The following ZNF365 variants were observed in gnomAD, a reference collection of about 807,000 sequenced individuals.
The protein encoded by ZNF365 is zinc finger protein 365.
A neutral mutation model predicts 35.0 loss-of-function variants in ZNF365; 22 were observed. That is an observed-to-expected ratio of 0.63 (90% CI 0.45 to 0.90). ZNF365 has a LOEUF of 0.90. ZNF365 is among the 40% of genes least tolerant of loss of function. The pLI, the probability that ZNF365 is intolerant of heterozygous loss-of-function variation, is 0.00. For synonymous variants in ZNF365, 188 were observed against 196.2 expected (o/e 0.96, Z 0.35); for missense variants, 448 against 500.3 (o/e 0.90, Z 1.00).
intron 3 of ZNF365, among the ~76,000 whole-genome samples, chr10:62,434,386 C>CT (rs1840376884): frequency 6.6e-6 from 1 of 152,072 alleles, no homozygotes; most frequent in Admixed American, 6.6e-5. Context: ...TATCACAATG[C>CT]TTACAAACGT....
At chr10:62,392,884 G>A (rs533806859) in intron 3 of ZNF365, among the ~76,000 whole-genome samples, 4 of 152,234 alleles carry the variant, frequency 2.6e-5, no homozygotes, top group East Asian at 1.9e-4. Context: ...CGCCCGCCTC[G>A]GCCTCCCAAA....
intron 3 of ZNF365, among the ~76,000 whole-genome samples, chr10:62,446,015 TG>T (rs1471350053): frequency 6.6e-6 from 1 of 152,194 alleles, no homozygotes; most frequent in Non-Finnish European, 1.5e-5. Context: ...TGGTCTTTTT[TG>T]AGCAGTTCCC....
downstream of ZNF365, among the ~76,000 whole-genome samples, chr10:62,403,303 TGAG>T (rs1839858697): frequency 6.6e-6 from 1 of 152,074 alleles, no homozygotes; most frequent in Admixed American, 6.6e-5. Context: ...TTGGGTGGGC[TGAG>T]GAGGAAGAGG....
At chr10:62,410,082 G>A (rs1210804221) in intron 3 of ZNF365, among the ~76,000 whole-genome samples, 1 of 152,094 alleles carries the variant, frequency 6.6e-6, no homozygotes, top group Non-Finnish European at 1.5e-5. Flanking sequence ...CAACAGCACT[G>A]ACTTCTATCT....
rs573349741 is a variant in ZNF365 at position 62,479,856 on chromosome 10, C to A, written c.982-20C>A. 3.2e-6 allele frequency: 5 copies of A among 1,577,710 alleles called. No homozygotes were observed. In the South Asian group the frequency reaches 5.5e-5, roughly 18 times the overall value. ...TACCACTGCAACTCTACTAACTTTC[C>A]TTTTGGCTTTTATGACTAGGAGTCT... On this transcript the variant is annotated intron_variant, in intron 4 of 4. Coordinates refer to the ZNF365 transcript ENST00000395255.
At chr10:62,475,077 T>G (rs1003480462) in intron 4 of ZNF365, among the ~76,000 whole-genome samples, 1 of 152,222 alleles carries the variant, frequency 6.6e-6, no homozygotes, top group African/African-American at 2.4e-5. Flanking sequence ...TTGTCCCTTA[T>G]GAAATTCTCA....
At chr10:62,475,052 C>A (rs1841105457) in intron 4 of ZNF365, among the ~76,000 whole-genome samples, 1 of 152,226 alleles carries the variant, frequency 6.6e-6, no homozygotes, top group Non-Finnish European at 1.5e-5. Context: ...AGTTGGAGCT[C>A]TCCAGCCTGC....
intron 3 of ZNF365, among the ~76,000 whole-genome samples, chr10:62,392,672 C>A (rs1293251670): frequency 6.6e-6 from 1 of 152,008 alleles, no homozygotes; most frequent in East Asian, 1.9e-4. Flanking sequence ...TGCTCTGTTG[C>A]CAGGCTAGAG....
intron 3 of ZNF365, among the ~76,000 whole-genome samples, chr10:62,436,330 A>G (rs550364832): frequency 6.6e-6 from 1 of 152,242 alleles, no homozygotes; most frequent in East Asian, 1.9e-4. Flanking sequence ...AGTAACTAGA[A>G]CCCTTAATTA....
At chr10:62,430,458 G>A (rs1337584619) in intron 3 of ZNF365, among the ~76,000 whole-genome samples, 3 of 152,106 alleles carry the variant, frequency 2.0e-5, no homozygotes, top group Non-Finnish European at 2.9e-5. Flanking sequence ...GGGATTACAG[G>A]CGTGATGGAA....
chr10:62,379,719 A>G (rs546503365), intron 2 of ZNF365, among the ~76,000 whole-genome samples: 1 of 152,268 alleles, frequency 6.6e-6, no homozygotes, highest in Admixed American at 6.5e-5. Flanking sequence ...GGTTGATTTG[A>G]CTGCATCTGC....
chr10:62,439,653 A>G (rs1489815897), intron 3 of ZNF365, among the ~76,000 whole-genome samples: 2 of 152,252 alleles, frequency 1.3e-5, no homozygotes, highest in Non-Finnish European at 2.9e-5. Context: ...TATCTTGTGA[A>G]CAAAATGGGA....
At chr10:62,477,613 A>G (rs553200041) in intron 4 of ZNF365, among the ~76,000 whole-genome samples, 35 of 152,312 alleles carry the variant, frequency 2.3e-4, no homozygotes, top group African/African-American at 8.2e-4. Context: ...TATGCTGCAT[A>G]TGACCTCAAG....
chr10:62,433,242 C>A (rs1201173725), intron 3 of ZNF365, among the ~76,000 whole-genome samples: 1 of 152,150 alleles, frequency 6.6e-6, no homozygotes, highest in Non-Finnish European at 1.5e-5. Flanking sequence ...TTGGAGGCCC[C>A]TGAAATTTGG....
intron 4 of ZNF365, among the ~76,000 whole-genome samples, chr10:62,462,134 G>T (rs1315424814): frequency 6.6e-6 from 1 of 152,166 alleles, no homozygotes; most frequent in Non-Finnish European, 1.5e-5. Flanking sequence ...TATACAGGGG[G>T]AGTTACATGA....
downstream of ZNF365, among the ~76,000 whole-genome samples, chr10:62,403,906 C>A (rs1193099518): frequency 2.0e-5 from 3 of 152,070 alleles, no homozygotes; most frequent in Admixed American, 2.0e-4. Flanking sequence ...CTGCATGATC[C>A]CAAAAAGAAG....
chr10:62,380,997 A>G (rs906674547), intron 2 of ZNF365, among the ~76,000 whole-genome samples: 3 of 152,012 alleles, frequency 2.0e-5, no homozygotes, highest in African/African-American at 7.3e-5. Context: ...TGTGGGGGGG[A>G]ACATAAAATG....
intron 3 of ZNF365, among the ~76,000 whole-genome samples, chr10:62,424,282 A>G (rs1840218437): frequency 6.6e-6 from 1 of 152,192 alleles, no homozygotes; most frequent in Admixed American, 6.5e-5. Context: ...GGAGATGAAG[A>G]GGTGGTAAGG....
At chr10:62,394,973 G>T (rs561115655) in intron 3 of ZNF365, among the ~76,000 whole-genome samples, 1 of 152,250 alleles carries the variant, frequency 6.6e-6, no homozygotes, top group Non-Finnish European at 1.5e-5. Flanking sequence ...ATTCCTCATT[G>T]TTCTAAAGGA....
Sources: allele counts gnomAD v4.1 joint callset (sites outside exome capture counted in the v4.1 genomes callset), GRCh38; gene constraint gnomAD v4.1.1; transcripts MANE v1.5; gene names NCBI Gene and HGNC (gene_info 2026-07-23, HGNC 2026-07-21).